The following MTCL2 variants were observed in gnomAD, a reference collection of about 807,000 sequenced individuals.
MTCL2 encodes the protein microtubule cross-linking factor 2.
At chr20:36,858,159 G>A in the MTCL2 span, among the ~76,000 whole-genome samples, 97 of 152,180 alleles carry the variant, frequency 6.4e-4, no homozygotes, top group Non-Finnish European at 1.1e-3. Flanking sequence ...AGACAAACCT[G>A]GGTTGGAATC....
At chr20:36,798,544 C>T in the MTCL2 span, among the ~76,000 whole-genome samples, 1 of 152,200 alleles carries the variant, frequency 6.6e-6, no homozygotes, top group South Asian at 2.1e-4. Context: ...GACACTACAG[C>T]CTTCTCTGGA....
At chr20:36,837,435 G>A in the MTCL2 span, among the ~76,000 whole-genome samples, 3 of 152,014 alleles carry the variant, frequency 2.0e-5, no homozygotes, top group East Asian at 1.9e-4. Flanking sequence ...CACACTGAGC[G>A]CCCCTTGACC....
chr20:36,840,913 G>T, the MTCL2 span, among the ~76,000 whole-genome samples: 1 of 152,008 alleles, frequency 6.6e-6, no homozygotes, highest in African/African-American at 2.4e-5. Context: ...TAAGCGCAGG[G>T]GCAGGGAGGG....
At chr20:36,819,554 A>G in the MTCL2 span, among the ~76,000 whole-genome samples, 13 of 150,054 alleles carry the variant, frequency 8.7e-5, no homozygotes, top group Non-Finnish European at 1.3e-4. Context: ...TTCTCTGATG[A>G]GGGCCAGAGT....
the MTCL2 span, among the ~76,000 whole-genome samples, chr20:36,841,079 G>A: frequency 4.0e-5 from 6 of 149,988 alleles, no homozygotes; most frequent in Admixed American, 6.7e-5. Context: ...GGAGGCCGAG[G>A]TGGGTGGATC....
At chr20:36,863,530 G>C in the MTCL2 span, 6 of 293,830 alleles carry the variant, frequency 2.0e-5, no homozygotes, top group Non-Finnish European at 3.2e-5. The surrounding 1 kb of genome is among the most constrained non-coding windows in gnomAD (Gnocchi z 6.2). Flanking sequence ...CTCTGGGCTC[G>C]GAGAGTGCGG....
At chr20:36,795,242 C>T in the MTCL2 span, among the ~76,000 whole-genome samples, 1 of 151,990 alleles carries the variant, frequency 6.6e-6, no homozygotes, top group Non-Finnish European at 1.5e-5. Flanking sequence ...CCCAGCCTAA[C>T]ACCTGGCTAA....
the MTCL2 span, among the ~76,000 whole-genome samples, chr20:36,821,595 G>A: frequency 0.012 from 1,810 of 152,242 alleles, 38 homozygotes; most frequent in African/African-American, 0.042. Flanking sequence ...GCATGTGTCT[G>A]TAGTCCTAGC....
the MTCL2 span, chr20:36,815,267 A>G: frequency 6.2e-7 from 1 of 1,614,006 alleles, no homozygotes. The surrounding 1 kb of genome is among the most constrained non-coding windows in gnomAD (Gnocchi z 5.3). Context: ...GCGTGAAGGC[A>G]TTCAGCTCCT....
chr20:36,855,928 C>G, the MTCL2 span, among the ~76,000 whole-genome samples: 1 of 152,132 alleles, frequency 6.6e-6, no homozygotes, highest in Non-Finnish European at 1.5e-5. Flanking sequence ...CCTCCCTCCC[C>G]AGGCCTCTCC....
the MTCL2 span, among the ~76,000 whole-genome samples, chr20:36,830,568 C>G: frequency 6.6e-6 from 1 of 152,016 alleles, no homozygotes; most frequent in Non-Finnish European, 1.5e-5. Context: ...ACCCTGTCTC[C>G]TAAAAACAAA....
chr20:36,785,671 T>C, the MTCL2 span: 2 of 985,316 alleles, frequency 2.0e-6, no homozygotes, highest in Non-Finnish European at 1.2e-6. Context: ...GGCATTTATC[T>C]ATGCACCAGG....
At chr20:36,825,003 G>C in the MTCL2 span, among the ~76,000 whole-genome samples, 2 of 151,568 alleles carry the variant, frequency 1.3e-5, no homozygotes, top group African/African-American at 4.9e-5. Flanking sequence ...GCAATGATGG[G>C]ATGTCGGCTC....
chr20:36,804,671 G>A, the MTCL2 span: 1 of 1,586,756 alleles, frequency 6.3e-7, no homozygotes, highest in Non-Finnish European at 8.6e-7. Flanking sequence ...TCTACTCCCA[G>A]ATCTGACAGC....
the MTCL2 span, among the ~76,000 whole-genome samples, chr20:36,833,093 C>T: frequency 6.6e-6 from 1 of 152,220 alleles, no homozygotes; most frequent in Non-Finnish European, 1.5e-5. Context: ...CCCAAGGTCA[C>T]ACAGCTAGGA....
At chr20:36,797,362 C>T in the MTCL2 span, 12 of 809,692 alleles carry the variant, frequency 1.5e-5, no homozygotes, top group Admixed American at 1.6e-4. Context: ...GAGATACAGA[C>T]TCCAGGGCTG....
the MTCL2 span, chr20:36,839,462 C>A: frequency 6.2e-7 from 1 of 1,608,802 alleles, no homozygotes; most frequent in South Asian, 1.1e-5. This position sits in a 1 kb window ranked among gnomAD's most constrained non-coding sequence, Gnocchi z 5.1. Context: ...AAGGAAGAGT[C>A]AGGTCACTGG....
the MTCL2 span, among the ~76,000 whole-genome samples, chr20:36,811,608 C>T: frequency 6.7e-6 from 1 of 149,124 alleles, no homozygotes; most frequent in Non-Finnish European, 1.5e-5. Context: ...CCAGACTGGG[C>T]AACAGAGCGA....
chr20:36,845,010 CAAAA>C, the MTCL2 span, among the ~76,000 whole-genome samples: 8 of 127,076 alleles, frequency 6.3e-5, no homozygotes, highest in African/African-American at 1.2e-4. Context: ...GATTCTGTCT[CAAAA>C]AAAAAAAAAA....
Sources: allele counts gnomAD v4.1 joint callset (sites outside exome capture counted in the v4.1 genomes callset), GRCh38; gene constraint gnomAD v4.1.1; non-coding constraint Gnocchi (gnomAD v3.1); transcripts MANE v1.5; gene names NCBI Gene and HGNC (gene_info 2026-07-23, HGNC 2026-07-21).